NAPEPLD: variants seen among roughly 807,000 people sequenced by gnomAD.
NAPEPLD encodes the protein N-acyl-phosphatidylethanolamine-hydrolyzing phospholipase D.
In NAPEPLD, 23 loss-of-function variants were observed where a neutral mutation model predicts 38.1. The ratio of observed to expected loss-of-function variants is 0.60; its 90% confidence interval spans 0.43 to 0.86. NAPEPLD has a LOEUF of 0.86. Ranked by LOEUF, NAPEPLD falls within the 40% of genes least tolerant of loss-of-function variation. The pLI, the probability that NAPEPLD is intolerant of heterozygous loss-of-function variation, is 0.00. For synonymous variants in NAPEPLD, 147 were observed against 162.0 expected (o/e 0.91, Z 0.71); for missense variants, 411 against 476.8 (o/e 0.86, Z 1.28).
At chr7:103,124,828 T>C (rs1460686156) in intron 2 of NAPEPLD, among the ~76,000 whole-genome samples, 3 of 152,194 alleles carry the variant, frequency 2.0e-5, no homozygotes, top group Non-Finnish European at 4.4e-5. Flanking sequence ...TTTGCCAAAG[T>C]CATGCAAGAG....
intron 2 of NAPEPLD, among the ~76,000 whole-genome samples, chr7:103,124,839 G>GT (rs1458120412): frequency 6.6e-6 from 1 of 152,152 alleles, no homozygotes; most frequent in African/African-American, 2.4e-5. Context: ...CATGCAAGAG[G>GT]TAAGTACCCA....
intron 1 of NAPEPLD, among the ~76,000 whole-genome samples, chr7:103,146,311 C>T (rs1812549001): frequency 6.7e-6 from 1 of 150,014 alleles, no homozygotes; most frequent in Admixed American, 6.7e-5. Context: ...CCCCACCGCA[C>T]GCTAGCTTGG....
chr7:103,135,413 T>C (rs1454819630), intron 1 of NAPEPLD, among the ~76,000 whole-genome samples: 1 of 152,122 alleles, frequency 6.6e-6, no homozygotes, highest in Non-Finnish European at 1.5e-5. Context: ...CTGGTATTAC[T>C]CCCAGAGGCA....
At chr7:103,110,065 A>G (rs906431482) in intron 4 of NAPEPLD, among the ~76,000 whole-genome samples, 3 of 152,224 alleles carry the variant, frequency 2.0e-5, no homozygotes, top group Non-Finnish European at 4.4e-5. Context: ...TGTGAAATTG[A>G]GGACGCAATT....
At chr7:103,131,406 T>C (rs1808911928) in intron 1 of NAPEPLD, among the ~76,000 whole-genome samples, 1 of 151,822 alleles carries the variant, frequency 6.6e-6, no homozygotes, top group Non-Finnish European at 1.5e-5. Context: ...CGCCTATAAT[T>C]CCAGCACTTC....
chr7:103,147,765 G>A (rs1812873794), intron 1 of NAPEPLD, among the ~76,000 whole-genome samples: 1 of 152,128 alleles, frequency 6.6e-6, no homozygotes, highest in African/African-American at 2.4e-5. Context: ...GGAATTCTGA[G>A]TGAAAATAAG....
At chr7:103,103,884 G>T (rs139031683) in intron 4 of NAPEPLD, among the ~76,000 whole-genome samples, 2 of 152,334 alleles carry the variant, frequency 1.3e-5, no homozygotes, top group Admixed American at 1.3e-4. Flanking sequence ...CAGTGCCAAA[G>T]ATGATGTTAT....
chr7:103,131,078 A>G (rs56703102), intron 1 of NAPEPLD, among the ~76,000 whole-genome samples: 1,836 of 152,248 alleles, frequency 0.012, 35 homozygotes, highest in African/African-American at 0.042. Flanking sequence ...TCAAAAAGAC[A>G]ATATGTCCAA....
chr7:103,126,780 G>A (rs1410119262), intron 2 of NAPEPLD: 1 of 49,610 alleles, frequency 2.0e-5, no homozygotes, highest in Non-Finnish European at 4.1e-5. Flanking sequence ...CTAATTTTTT[G>A]TATTTTTTTT....
intron 1 of NAPEPLD, among the ~76,000 whole-genome samples, chr7:103,147,635 A>G (rs756912718): frequency 6.6e-6 from 1 of 152,246 alleles, no homozygotes; most frequent in African/African-American, 2.4e-5. Flanking sequence ...GACTGTATCA[A>G]CTAAAGTATA....
At position 103,100,371 on chromosome 7, in the gene NAPEPLD, C is replaced by T. The variant is rs753662229; in HGVS notation, c.*3058G>A. On this transcript the variant is annotated 3_prime_UTR_variant, in exon 5 of 5. Transcript: ENST00000465647. Reference sequence around the variant, plus strand: ...TTCTAAAACTGTGTCTTCTTGTCCTCTCATTAGTTTGAATAATCACACTCC... The same window carrying T: ...TTCTAAAACTGTGTCTTCTTGTCCTTTCATTAGTTTGAATAATCACACTCC... The T allele has an allele frequency of 2.0e-5, 3 of 152,158 alleles. No individual in the cohort carries two copies. Among genetic ancestry groups the T allele is most frequent in the Admixed American group, 6.5e-5 (1 of 15,278 alleles). The allele number at this position is 152,158 out of a possible 1,614,324, so 9.4% of individuals were successfully genotyped here.
rs151310556 is a variant in NAPEPLD at position 103,132,124 on chromosome 7, G to A, written c.-16-3332C>T. On this transcript the variant is annotated intron_variant, in intron 1 of 4. Coordinates refer to ENST00000465647, the MANE Select transcript of NAPEPLD (RefSeq NM_001122838.3). ...CTCTGATAGCAGGATTAAAAAGAAAGGAAGTGGCTAAAAACTGGAGCTTGG... is the reference window on the plus strand; with the variant it reads ...CTCTGATAGCAGGATTAAAAAGAAAAGAAGTGGCTAAAAACTGGAGCTTGG... 4.0e-4 allele frequency among the ~76,000 whole-genome samples: 61 copies of A among 152,246 alleles called. No individual in the cohort carries two copies. The East Asian group carries it at 0.01, about 26-fold the overall frequency.
chr7:103,143,742 G>A (rs560819057), intron 1 of NAPEPLD, among the ~76,000 whole-genome samples: 63 of 152,164 alleles, frequency 4.1e-4, no homozygotes, highest in Non-Finnish European at 7.9e-4. Context: ...ACATATTTGA[G>A]CAATCTTTCA....
chr7:103,120,306 AATG>A (rs1256382287), intron 2 of NAPEPLD, 83 bp from the exon 3 acceptor site: 1 of 1,444,054 alleles, frequency 6.9e-7, no homozygotes, highest in East Asian at 2.3e-5. Context: ...TGACCTAAAT[AATG>A]GCAAGAAGAG....
rs1813144585 is a variant in NAPEPLD at position 103,148,827 on chromosome 7, G to A, written c.-33C>T. On this transcript the variant is annotated 5_prime_UTR_variant, in exon 1 of 5. Coordinates refer to ENST00000465647, the MANE Select transcript of NAPEPLD (RefSeq NM_001122838.3). ...TAAACCCACATGTATTCCTATCAGT[G>A]AAGATGCAACCTGGTAATTTGCAGG... 1 of 985,260 alleles carries A rather than the reference G, an allele frequency of 1.0e-6. No homozygotes were observed. The highest frequency in any genetic ancestry group is 1.2e-6 in the Non-Finnish European group (1 of 829,934). 61.0% of individuals were successfully genotyped at this position (985,260 alleles called of 1,614,324 possible). A position where few individuals can be genotyped will look rare whatever the true frequency, so the allele number is the denominator to read the frequency against.
chr7:103,107,254 A>G (rs1015143967), intron 4 of NAPEPLD, among the ~76,000 whole-genome samples: 2 of 152,154 alleles, frequency 1.3e-5, no homozygotes, highest in Non-Finnish European at 2.9e-5. Context: ...GGTCACCAAC[A>G]TCAAAGACCA....
chr7:103,141,847 T>G, intron 1 of NAPEPLD: 6 of 983,546 alleles, frequency 6.1e-6, no homozygotes, highest in Non-Finnish European at 9.9e-6. Flanking sequence ...CATTGGTGAT[T>G]TCATTGGTCT....
intron 1 of NAPEPLD, among the ~76,000 whole-genome samples, chr7:103,129,119 G>T (rs1808420985): frequency 6.6e-6 from 1 of 152,142 alleles, no homozygotes; most frequent in South Asian, 2.1e-4. Context: ...TACAAAATTA[G>T]CCAGGCATGG....
chr7:103,143,263 A>C (rs1189482580), intron 1 of NAPEPLD, among the ~76,000 whole-genome samples: 2 of 152,072 alleles, frequency 1.3e-5, no homozygotes, highest in Non-Finnish European at 2.9e-5. Context: ...TAAAAATAGA[A>C]AAGTCTTGGG....
Sources: gnomAD v4.1 joint callset for allele counts (sites outside exome capture counted in the v4.1 genomes callset) on GRCh38, gnomAD v4.1.1 for gene constraint, MANE v1.5 for transcripts, NCBI Gene and HGNC (gene_info 2026-07-23, HGNC 2026-07-21) for gene names.